SGIP1: variants seen among roughly 807,000 people sequenced by gnomAD.
SGIP1 encodes SH3GL interacting endocytic adaptor 1.
Under a neutral mutation model 107.5 loss-of-function variants are expected in SGIP1, and 38 were observed. The ratio of observed to expected loss-of-function variants is 0.35; its 90% confidence interval spans 0.27 to 0.46. The LOEUF is 0.46. Among genes scored for constraint, SGIP1 ranks in the 20% least tolerant of loss-of-function variants. The pLI is 1.00. For synonymous variants in SGIP1, 365 were observed against 366.1 expected, an observed-to-expected ratio of 1.00 and a Z score of 0.03; for missense variants, 929 against 1,019.5, an observed-to-expected ratio of 0.91 and a Z score of 1.21.
rs773132706 is a variant in SGIP1, at chr1:66,741,445, GTA to G, written c.2464+11_2464+12del. The G allele has an allele frequency of 6.5e-7, 1 of 1,547,952 alleles. No individual in the cohort carries two copies. The highest frequency in any genetic ancestry group is 8.7e-7 in the Non-Finnish European group (1 of 1,144,852). The stretch of plus-strand genomic sequence containing the variant: ...GAAAAGGTTTGCTGCAGGTAAATGA[GTA>G]TCTTGATTTTTTCATTTGCGAAAAT... On this transcript the variant is annotated intron_variant, in intron 24 of 24. Transcript: ENST00000371037.
intron 1 of SGIP1, among the ~76,000 whole-genome samples, chr1:66,583,515 T>C (rs1315949901): frequency 6.6e-6 from 1 of 152,114 alleles, no homozygotes; most frequent in African/African-American, 2.4e-5. Context: ...CTCATTTTTA[T>C]TTTCATAAAA....
chr1:66,681,912 A>G lies in SGIP1; in HGVS notation c.858A>G (p.Pro286=). ...CAGAGGTCAAAATTGAAAAACTACC[A>G]TCCATCAATGACTTGGACAGCATTT... ...SATEVKIEKL[P]SINDLDSIFG... Residue 286 remains proline (P), a synonymous_variant, in exon 15 of 25, where the codon CCA becomes CCG. Coordinates refer to ENST00000371037, the MANE Select transcript of SGIP1 (RefSeq NM_032291.4). 4.3e-6 allele frequency: 7 copies of G among 1,613,986 alleles called. No homozygotes were observed. The highest frequency in any genetic ancestry group is 5.9e-6 in the Non-Finnish European group (7 of 1,179,908).
intron 1 of SGIP1, among the ~76,000 whole-genome samples, chr1:66,587,190 G>A (rs1344381799): frequency 6.6e-6 from 1 of 151,826 alleles, no homozygotes; most frequent in Non-Finnish European, 1.5e-5. Flanking sequence ...ATCCTTTTTA[G>A]AGTTTGCTCA....
intron 21 of SGIP1, among the ~76,000 whole-genome samples, chr1:66,738,207 T>C (rs2150720483): frequency 6.6e-6 from 1 of 152,358 alleles, no homozygotes; most frequent in South Asian, 2.1e-4. Flanking sequence ...TGTCATTTTA[T>C]AAAAGAATCC....
intron 18 of SGIP1, among the ~76,000 whole-genome samples, chr1:66,710,734 A>T (rs1421021052): frequency 1.3e-5 from 2 of 152,184 alleles, no homozygotes; most frequent in South Asian, 2.1e-4. Flanking sequence ...AGGATATAGG[A>T]TTCCATGAAG....
At chr1:66,583,060 T>G (rs4147266) in intron 1 of SGIP1, among the ~76,000 whole-genome samples, 19,337 of 152,082 alleles carry the variant, frequency 0.13, 1,315 homozygotes, top group Admixed American at 0.17. Context: ...TGACATCAAT[T>G]GATTGATAAA....
intron 1 of SGIP1, among the ~76,000 whole-genome samples, chr1:66,538,978 TTTCAATTATG>T (rs2054255813): frequency 6.6e-6 from 1 of 152,226 alleles, no homozygotes; most frequent in South Asian, 2.1e-4. Context: ...ACACTGGATT[TTTCAATTATG>T]TTCAATTTTA....
At position 66,750,036 on chromosome 1, in the gene SGIP1, G is replaced by GGT. The variant is rs1197339481; in HGVS notation, c.*6972_*6973dup. Among the ~76,000 whole-genome samples, 17,685 of 118,874 alleles carry GGT rather than the reference G, an allele frequency of 0.15. 1,424 individuals are homozygous for GGT. The highest frequency in any genetic ancestry group is 0.45 in the East Asian group (1,832 of 4,072). The allele number at this position is 118,874 out of a possible 152,430, so 78.0% of individuals were successfully genotyped here. On this transcript the variant is annotated 3_prime_UTR_variant, in exon 25 of 25. Transcript: ENST00000371037. ...CTCTCTTTCTCTGTGTGTGTGTGGGGGTGTGTGTGTGTGTGTGTGTGTGTG... is the reference window on the plus strand; with the variant it reads ...CTCTCTTTCTCTGTGTGTGTGTGGGGGTGTGTGTGTGTGTGTGTGTGTGTGTG...
intron 18 of SGIP1, among the ~76,000 whole-genome samples, chr1:66,708,391 A>G (rs555265469): frequency 2.0e-5 from 3 of 152,252 alleles, no homozygotes; most frequent in African/African-American, 7.2e-5. Flanking sequence ...ACCACTGTCT[A>G]TGTGAAAGTG....
Position 66,630,967 on chromosome 1 carries a change from A to G in SGIP1, c.75-2103A>G, listed in dbSNP as rs1310081504. Reference sequence around the variant, plus strand: ...AGAGAGAAAGAAAGAGAAAGAAAGAAAGAGAGGAAAGAGAGGAAGAAGGAA... The same window carrying G: ...AGAGAGAAAGAAAGAGAAAGAAAGAGAGAGAGGAAAGAGAGGAAGAAGGAA... On this transcript the variant is annotated intron_variant, in intron 2 of 24. Transcript: ENST00000371037. Among the ~76,000 whole-genome samples, 6 of 68,512 alleles carry G rather than the reference A, an allele frequency of 8.8e-5. 1 individual carries two copies. Among genetic ancestry groups the G allele is most frequent in the Admixed American group, 1.5e-4 (1 of 6,560 alleles). The allele number at this position is 68,512 out of a possible 152,430, so 44.9% of individuals were successfully genotyped here. A position where few individuals can be genotyped will look rare whatever the true frequency, so the allele number is the denominator to read the frequency against.
chr1:66,740,135 T>C (rs947724799), intron 22 of SGIP1, among the ~76,000 whole-genome samples: 1 of 152,186 alleles, frequency 6.6e-6, no homozygotes, highest in African/African-American at 2.4e-5. Flanking sequence ...AGAAATGTAG[T>C]GTTTCATTTT....
chr1:66,571,235 G>A (rs904268066), intron 1 of SGIP1, among the ~76,000 whole-genome samples: 1 of 151,954 alleles, frequency 6.6e-6, no homozygotes, highest in African/African-American at 2.4e-5. Context: ...AAGGTCCTAG[G>A]ACATTACATC....
In SGIP1 at chr1:66,682,231, T is replaced by A; in HGVS notation, c.1177T>A (p.Tyr393Asn). The A allele has an allele frequency of 2.5e-6, 4 of 1,614,194 alleles. No homozygotes were observed. Among genetic ancestry groups the A allele is most frequent in the Non-Finnish European group, 3.4e-6 (4 of 1,180,032 alleles). ...VAEQTFIKDD[Y>N]LETISSPKDF... is the part of the protein sequence containing the mutation. ...TGAGCAGACCTTCATTAAAGATGAT[T>A]ACTTAGAAACAATCTCATCTCCTAA... Residue 393 changes from tyrosine (Y) to asparagine (N), a missense_variant, in exon 15 of 25, where the codon TAC becomes AAC. Tyr to Asn is a moderately radical substitution (Grantham distance 143). Coordinates refer to ENST00000371037, the MANE Select transcript of SGIP1 (RefSeq NM_032291.4).
chr1:66,596,238 A>G (rs532789463), intron 1 of SGIP1, among the ~76,000 whole-genome samples: 6 of 151,250 alleles, frequency 4.0e-5, no homozygotes, highest in African/African-American at 1.4e-4. Context: ...AAGAAGAATG[A>G]GGATATGTTG....
intron 18 of SGIP1, among the ~76,000 whole-genome samples, chr1:66,700,070 CAGT>C (rs34716770): frequency 0.13 from 19,267 of 152,102 alleles, 1,892 homozygotes; most frequent in East Asian, 0.5. Context: ...CAGGGTCACA[CAGT>C]CAAAAGAGAC....
At chr1:66,639,896 A>T in intron 5 of SGIP1, 63 bp downstream of exon 5, 1 of 1,349,804 alleles carries the variant, frequency 7.4e-7, no homozygotes, top group Non-Finnish European at 1.0e-6. Flanking sequence ...GAGTTGAGGC[A>T]TTCTTATAAT....
At chr1:66,563,613 G>C (rs1430763178) in intron 1 of SGIP1, among the ~76,000 whole-genome samples, 1 of 152,032 alleles carries the variant, frequency 6.6e-6, no homozygotes, top group African/African-American at 2.4e-5. Flanking sequence ...GATTGGCTTA[G>C]CAGCTGGGAA....
At chr1:66,661,580 T>G (rs954951790) in intron 8 of SGIP1, among the ~76,000 whole-genome samples, 1 of 152,236 alleles carries the variant, frequency 6.6e-6, no homozygotes, top group Non-Finnish European at 1.5e-5. Context: ...TTACGATTAT[T>G]ACTAAGCTAA....
chr1:66,621,540 C>A (rs1468727889), intron 1 of SGIP1, among the ~76,000 whole-genome samples: 1 of 152,186 alleles, frequency 6.6e-6, no homozygotes, highest in Non-Finnish European at 1.5e-5. Flanking sequence ...TAACCACCAT[C>A]AAGTTCCAGA....
Sources: allele counts gnomAD v4.1 joint callset (sites outside exome capture counted in the v4.1 genomes callset), GRCh38; gene constraint gnomAD v4.1.1; transcripts MANE v1.5; gene names NCBI Gene and HGNC (gene_info 2026-07-23, HGNC 2026-07-21).